NEK11: variants seen among roughly 807,000 people sequenced by gnomAD.
NEK11 encodes the protein NIMA related kinase 11.
NEK11 carries 72 observed loss-of-function variants against 80.7 expected under a neutral mutation model. That is an observed-to-expected ratio of 0.89 (90% CI 0.74 to 1.08). NEK11 has a LOEUF of 1.08. Ranked by LOEUF, NEK11 falls within the 50% of genes least tolerant of loss-of-function variation. NEK11 has a pLI of 0.00. For synonymous variants in NEK11, 251 were observed against 260.7 expected (o/e 0.96, Z 0.36); for missense variants, 764 against 763.6 (o/e 1.00, Z -0.01).
At chr3:131,184,008 G>A (rs1317166878) in intron 14 of NEK11, among the ~76,000 whole-genome samples, 1 of 152,064 alleles carries the variant, frequency 6.6e-6, no homozygotes, top group Admixed American at 6.6e-5. Context: ...GGAACTCCAC[G>A]ATTCTTTGGT....
chr3:131,331,828 G>A (rs139948744), intron 17 of NEK11, among the ~76,000 whole-genome samples: 7 of 152,340 alleles, frequency 4.6e-5, no homozygotes, highest in Middle Eastern at 3.4e-3. Flanking sequence ...CAACTGGCTC[G>A]GAGGGTCCTA....
At chr3:131,189,342 C>T (rs974193358) in intron 14 of NEK11, among the ~76,000 whole-genome samples, 4 of 152,200 alleles carry the variant, frequency 2.6e-5, no homozygotes, top group Admixed American at 2.0e-4. Context: ...ATACCATAGA[C>T]TAGGTGGCTT....
At chr3:131,314,306 C>T (rs943943457) in intron 17 of NEK11, among the ~76,000 whole-genome samples, 10 of 152,280 alleles carry the variant, frequency 6.6e-5, no homozygotes, top group Non-Finnish European at 1.2e-4. Flanking sequence ...GTGCTCATTT[C>T]TGATGTTCCA....
chr3:131,140,519 A>G (rs184671224), intron 7 of NEK11, among the ~76,000 whole-genome samples: 1 of 152,272 alleles, frequency 6.6e-6, no homozygotes, highest in East Asian at 1.9e-4. Flanking sequence ...AAAATGACTG[A>G]TTATTGTTGT....
intron 17 of NEK11, chr3:131,327,822 T>G (rs2096995549): frequency 6.6e-6 from 1 of 152,020 alleles, no homozygotes; most frequent in Non-Finnish European, 1.5e-5. Context: ...CAGACTTTCT[T>G]CTCAAAGTCC....
chr3:131,239,878 A>G (rs1205689703), intron 15 of NEK11, among the ~76,000 whole-genome samples: 1 of 152,140 alleles, frequency 6.6e-6, no homozygotes, highest in African/African-American at 2.4e-5. Flanking sequence ...ACCAAACAAT[A>G]TACATAATAT....
intron 3 of NEK11, chr3:131,053,772 A>T (rs1391491372): frequency 6.6e-6 from 1 of 152,240 alleles, no homozygotes; most frequent in Non-Finnish European, 1.5e-5. Flanking sequence ...GATCTGAGCC[A>T]CTTCCATTCT....
chr3:131,241,950 G>T (rs1019230357), intron 15 of NEK11, among the ~76,000 whole-genome samples: 6 of 152,084 alleles, frequency 3.9e-5, no homozygotes, highest in African/African-American at 1.4e-4. Flanking sequence ...AATTGTTAGA[G>T]AAAACATTAT....
chr3:131,208,605 G>A (rs1187205409), intron 14 of NEK11, among the ~76,000 whole-genome samples: 3 of 152,168 alleles, frequency 2.0e-5, no homozygotes, highest in African/African-American at 7.2e-5. Context: ...AGCATGGAAT[G>A]TTCTTCCATT....
chr3:131,102,566 C>G (rs544015721), intron 4 of NEK11, among the ~76,000 whole-genome samples: 1 of 152,276 alleles, frequency 6.6e-6, no homozygotes, highest in Admixed American at 6.5e-5. Flanking sequence ...GATGGGTTTC[C>G]CTCTGTGCAT....
chr3:131,290,749 A>G (rs562956752), intron 17 of NEK11, among the ~76,000 whole-genome samples: 49 of 152,326 alleles, frequency 3.2e-4, no homozygotes, highest in Non-Finnish European at 5.9e-4. Context: ...ATAACTGCCT[A>G]CTGGAAAAAT....
intron 17 of NEK11, chr3:131,327,728 G>C (rs1304092371): frequency 6.7e-6 from 1 of 148,966 alleles, no homozygotes; most frequent in Admixed American, 6.7e-5. Flanking sequence ...CAAATTCCAG[G>C]GCCTGGTGGT....
chr3:131,324,213 C>G (rs977995450), intron 17 of NEK11, among the ~76,000 whole-genome samples: 3 of 152,076 alleles, frequency 2.0e-5, no homozygotes, highest in Non-Finnish European at 4.4e-5. Context: ...TATTAAGGGT[C>G]GGGGGATTCT....
rs2096658160 is a variant in NEK11, at chr3:131,301,279, T to C, written c.1718+27705T>C. ...TTTATCAGATTTAGGAGCTTTTGAATAGAGATTGTGGGGTTTTCTAGATAT... is the reference window on the plus strand; with the variant it reads ...TTTATCAGATTTAGGAGCTTTTGAACAGAGATTGTGGGGTTTTCTAGATAT... On this transcript the variant is annotated intron_variant, in intron 17 of 17. Coordinates refer to ENST00000383366, the MANE Select transcript of NEK11 (RefSeq NM_024800.5). Among the ~76,000 whole-genome samples, 3 of 152,108 alleles carry C rather than the reference T, an allele frequency of 2.0e-5. No homozygotes were observed. In the South Asian group the frequency reaches 6.2e-4, roughly 31 times the overall value.
intron 4 of NEK11, among the ~76,000 whole-genome samples, chr3:131,080,873 G>A (rs1376065869): frequency 6.6e-6 from 1 of 152,172 alleles, no homozygotes; most frequent in East Asian, 1.9e-4. Context: ...ACTTTGGGAG[G>A]TTGAAGTGAG....
At chr3:131,309,987 TAAAAAAAAAAAAAA>T (rs558210123) in intron 17 of NEK11, among the ~76,000 whole-genome samples, 9 of 23,274 alleles carry the variant, frequency 3.9e-4, no homozygotes, top group Admixed American at 2.1e-3. Flanking sequence ...AGACCATGTT[TAAAAAAAAAAAAAA>T]AAAAAAAAAA....
chr3:131,029,933 C>A, intron 3 of NEK11, 55 bp downstream of exon 3: 1 of 1,531,722 alleles, frequency 6.5e-7, no homozygotes, highest in South Asian at 1.1e-5. Context: ...GTTTGCAGGT[C>A]TTAGCTGATT....
intron 17 of NEK11, among the ~76,000 whole-genome samples, chr3:131,301,942 C>G (rs947318034): frequency 6.6e-6 from 1 of 152,102 alleles, no homozygotes; most frequent in Non-Finnish European, 1.5e-5. Flanking sequence ...ACCAGGTCTT[C>G]TTTATACATC....
chr3:131,103,549 C>T (rs1368929352), intron 4 of NEK11, among the ~76,000 whole-genome samples: 2 of 152,170 alleles, frequency 1.3e-5, no homozygotes, highest in South Asian at 4.1e-4. Flanking sequence ...CTGCCACTTG[C>T]AAGCTTGCTC....
Sources: gnomAD v4.1 joint callset for allele counts (sites outside exome capture counted in the v4.1 genomes callset) on GRCh38, gnomAD v4.1.1 for gene constraint, MANE v1.5 for transcripts, NCBI Gene and HGNC (gene_info 2026-07-23, HGNC 2026-07-21) for gene names.